GREB1L: variants seen among roughly 807,000 people sequenced by gnomAD.
GREB1L encodes the protein GREB1 like retinoic acid receptor coactivator, also known as GREB1-like protein.
Under a neutral mutation model 200.8 loss-of-function variants are expected in GREB1L, and 17 were observed. That is an observed-to-expected ratio of 0.08 (90% CI 0.06 to 0.13). The LOEUF is 0.13. Ranked by LOEUF, GREB1L falls within the 10% of genes least tolerant of loss-of-function variation. The pLI is 1.00. For missense variants in GREB1L, 1,657 were observed against 2,367.7 expected (o/e 0.70, Z 6.23); for synonymous variants, 789 against 893.0 (o/e 0.88, Z 2.08).
chr18:21,351,647 G>C lies in GREB1L; in HGVS notation c.-119-14380G>C, dbSNP rs558571500. Among the ~76,000 whole-genome samples, 63 of 151,884 alleles carry C rather than the reference G, an allele frequency of 4.1e-4. No homozygotes were observed. In the South Asian group the frequency reaches 0.013, roughly 31 times the overall value. ...GATGGCAATAAAATCAAATGGAAAG[G>C]AATAGATATTACATTCTGGGGTATG... On this transcript the variant is annotated intron_variant, in intron 1 of 32. Transcript: ENST00000424526.
intron 17 of GREB1L, among the ~76,000 whole-genome samples, chr18:21,477,734 G>A (rs570871507): frequency 4.0e-5 from 6 of 151,618 alleles, no homozygotes; most frequent in Non-Finnish European, 7.4e-5. Context: ...TGCAGTGAGC[G>A]GAGATTGTGC....
intron 1 of GREB1L, among the ~76,000 whole-genome samples, chr18:21,266,541 CA>C (rs1179452593): frequency 2.0e-5 from 3 of 152,208 alleles, no homozygotes; most frequent in Admixed American, 1.3e-4. Flanking sequence ...GGGCCCCCTG[CA>C]GCTGCCAACA....
At chr18:21,339,163 G>A (rs1020775908) in intron 1 of GREB1L, among the ~76,000 whole-genome samples, 2 of 151,788 alleles carry the variant, frequency 1.3e-5, no homozygotes, top group African/African-American at 4.8e-5. Flanking sequence ...CTCCATCCTG[G>A]GTGACAGAGC....
intron 1 of GREB1L, among the ~76,000 whole-genome samples, chr18:21,251,687 C>T (rs992243012): frequency 2.0e-5 from 3 of 152,130 alleles, no homozygotes; most frequent in Non-Finnish European, 4.4e-5. Context: ...TGGCTCACAC[C>T]TGCAATCTCA....
intron 1 of GREB1L, among the ~76,000 whole-genome samples, chr18:21,268,558 C>CT (rs1555623539): frequency 2.8e-4 from 24 of 86,696 alleles, no homozygotes; most frequent in Non-Finnish European, 8.3e-5. Flanking sequence ...CACACACACA[C>CT]ACATATATAT....
At chr18:21,319,163 C>T (rs2038915440) in intron 1 of GREB1L, among the ~76,000 whole-genome samples, 1 of 152,216 alleles carries the variant, frequency 6.6e-6, no homozygotes, top group African/African-American at 2.4e-5. Flanking sequence ...AAGCAATATT[C>T]TAAGGGTAAT....
At chr18:21,270,486 G>A (rs1314114203) in intron 1 of GREB1L, among the ~76,000 whole-genome samples, 1 of 152,134 alleles carries the variant, frequency 6.6e-6, no homozygotes, top group Non-Finnish European at 1.5e-5. Context: ...TTCTCATCAT[G>A]TCTAGAGCCA....
chr18:21,458,581 C>T (rs1334394370), intron 15 of GREB1L, among the ~76,000 whole-genome samples: 1 of 152,144 alleles, frequency 6.6e-6, no homozygotes, highest in East Asian at 1.9e-4. Flanking sequence ...GAAACCATCA[C>T]GTTGTTGCAG....
At chr18:21,451,920 G>C (rs2034545000) in intron 13 of GREB1L, among the ~76,000 whole-genome samples, 163 bp from the exon 14 acceptor site, 1 of 152,180 alleles carries the variant, frequency 6.6e-6, no homozygotes, top group South Asian at 2.1e-4. Flanking sequence ...TTGATATAGA[G>C]ACACCAGTAT....
At chr18:21,447,069 T>G (rs1482320450) in intron 11 of GREB1L, among the ~76,000 whole-genome samples, 1 of 152,204 alleles carries the variant, frequency 6.6e-6, no homozygotes, top group East Asian at 1.9e-4. Flanking sequence ...AGGAAAAGAT[T>G]ATTGTTATCA....
At chr18:21,353,733 CATTTAA>C (rs1395493450) in intron 1 of GREB1L, among the ~76,000 whole-genome samples, 1 of 151,960 alleles carries the variant, frequency 6.6e-6, no homozygotes, top group African/African-American at 2.4e-5. Flanking sequence ...TATGTATAGA[CATTTAA>C]ATTTAATCTT....
At chr18:21,295,926 A>C (rs2038520011) in intron 1 of GREB1L, among the ~76,000 whole-genome samples, 1 of 152,222 alleles carries the variant, frequency 6.6e-6, no homozygotes, top group South Asian at 2.1e-4. Context: ...GTCAAAAAAC[A>C]ATGGATGCTG....
At chr18:21,477,111 C>G in intron 16 of GREB1L, 53 bp from the exon 17 acceptor site, 5 of 1,207,814 alleles carry the variant, frequency 4.1e-6, no homozygotes, top group Non-Finnish European at 5.8e-6. Flanking sequence ...GTGTCTGATT[C>G]TATATCTACT....
At chr18:21,329,450 A>AT (rs1465211083) in intron 1 of GREB1L, among the ~76,000 whole-genome samples, 4 of 150,236 alleles carry the variant, frequency 2.7e-5, no homozygotes, top group South Asian at 2.1e-4. Context: ...GAGCACTGGT[A>AT]TTTTTTTTTC....
chr18:21,424,765 C>A (rs1310352924), intron 7 of GREB1L, among the ~76,000 whole-genome samples: 2 of 152,138 alleles, frequency 1.3e-5, no homozygotes, highest in Non-Finnish European at 1.5e-5. Context: ...AATTTCAGAA[C>A]ATTTTCATCA....
chr18:21,293,878 C>T (rs556093263), intron 1 of GREB1L, among the ~76,000 whole-genome samples: 3 of 152,132 alleles, frequency 2.0e-5, no homozygotes, highest in African/African-American at 4.8e-5. Flanking sequence ...CTCCCGGGTT[C>T]GAGTGATACT....
chr18:21,514,462 C>A lies in GREB1L; in HGVS notation c.4901+476C>A, dbSNP rs528653937. ...CCCAAGAGGCAGATGTTGCAGTGAGCTGAGATTGTGCCACTGCACTCCAAC... is the reference window on the plus strand; with the variant it reads ...CCCAAGAGGCAGATGTTGCAGTGAGATGAGATTGTGCCACTGCACTCCAAC... On this transcript the variant is annotated intron_variant, in intron 28 of 32. Coordinates refer to ENST00000424526, the MANE Select transcript of GREB1L (RefSeq NM_001142966.3). 3.3e-5 allele frequency among the ~76,000 whole-genome samples: 5 copies of A among 152,330 alleles called. No individual in the cohort carries two copies. The East Asian group carries it at 9.6e-4, about 29-fold the overall frequency.
chr18:21,497,970 C>T (rs538292567), intron 21 of GREB1L, among the ~76,000 whole-genome samples: 2 of 151,734 alleles, frequency 1.3e-5, no homozygotes, highest in South Asian at 2.1e-4. Context: ...TACAGGCACC[C>T]GCCACCGCAC....
chr18:21,447,308 A>C (rs1459733358), intron 11 of GREB1L, among the ~76,000 whole-genome samples: 2 of 152,072 alleles, frequency 1.3e-5, no homozygotes, highest in East Asian at 1.9e-4. Flanking sequence ...TTAAAAAAAA[A>C]ATTTTTTTAA....
Sources: gnomAD v4.1 joint callset for allele counts (sites outside exome capture counted in the v4.1 genomes callset) on GRCh38, gnomAD v4.1.1 for gene constraint, MANE v1.5 for transcripts, NCBI Gene and HGNC (gene_info 2026-07-23, HGNC 2026-07-21) for gene names.